ME2: variants seen among roughly 807,000 people sequenced by gnomAD.
The protein encoded by ME2 is NAD-dependent malic enzyme, mitochondrial.
A neutral mutation model predicts 73.7 loss-of-function variants in ME2; 60 were observed. That is an observed-to-expected ratio of 0.81 (90% CI 0.66 to 1.01). The LOEUF is 1.01. Among genes scored for constraint, ME2 ranks in the 50% least tolerant of loss-of-function variants. The pLI is 0.00. For synonymous variants in ME2, 199 were observed against 236.9 expected (o/e 0.84, Z 1.47); for missense variants, 594 against 705.5 (o/e 0.84, Z 1.79).
chr18:50,928,230 G>T (rs900825194), intron 12 of ME2, among the ~76,000 whole-genome samples: 53 of 150,870 alleles, frequency 3.5e-4, no homozygotes, highest in Non-Finnish European at 2.7e-4. Flanking sequence ...TGTTTGTAAG[G>T]CTAATTTGTC....
chr18:50,898,858 G>GA (rs1365606367), intron 2 of ME2, among the ~76,000 whole-genome samples: 1 of 152,146 alleles, frequency 6.6e-6, no homozygotes, highest in African/African-American at 2.4e-5. Flanking sequence ...ACTTCTCTAG[G>GA]CCTTAGTTTT....
In ME2 at chr18:50,948,843, ATTT is replaced by A. The variant is rs71171366; in HGVS notation, c.*1677_*1679del. On this transcript the variant is annotated 3_prime_UTR_variant, in exon 16 of 16. Coordinates refer to ENST00000321341, the MANE Select transcript of ME2 (RefSeq NM_002396.5). The stretch of plus-strand genomic sequence containing the variant: ...AGGCGTGAGCCACCGCACCCAGCCA[ATTT>A]TTTTTTTTTTTTTTTTTGAGACAGA... 1.3e-4 allele frequency: 14 copies of A among 111,410 alleles called. No homozygotes were observed. The highest frequency in any genetic ancestry group is 1.8e-4 in the Non-Finnish European group (10 of 54,602). The allele number at this position is 111,410 out of a possible 1,614,324, so 6.9% of individuals were successfully genotyped here.
Position 50,918,174 on chromosome 18 carries a change from A to G in ME2, c.695A>G (p.Asp232Gly), listed in dbSNP as rs1317892559. The G allele has an allele frequency of 6.2e-7, 1 of 1,610,952 alleles. No homozygotes were observed. The highest frequency in any genetic ancestry group is 2.2e-5 in the East Asian group (1 of 44,842). ...YQKRDRTQQY[D>G]DLIDEFMKAI... ...AAACGAGATCGCACACAACAGTATG[A>G]TGACCTGATTGATGAGTTTATGAAA... Residue 232 changes from aspartate (D) to glycine (G), a missense_variant, in exon 7 of 16, where the codon GAT (aspartate) becomes GGT (glycine). Asp to Gly is a moderately conservative substitution (Grantham distance 94). Transcript: ENST00000321341.
rs1265637282 is a variant in ME2 at position 50,950,982 on chromosome 18, TTTA to T, written c.*3803_*3805del. The T allele has an allele frequency of 1.3e-5, 2 of 152,358 alleles. No homozygotes were observed. Among genetic ancestry groups the T allele is most frequent in the East Asian group, 1.9e-4 (1 of 5,188 alleles). 9.4% of individuals were successfully genotyped at this position (152,358 alleles called of 1,614,324 possible). ...TTACACAGAATAGTTTTCATCTAGT[TTTA>T]TTATGTTTTTACAGGCTGTTTACAA... On this transcript the variant is annotated 3_prime_UTR_variant, in exon 16 of 16. Coordinates refer to ENST00000321341, the MANE Select transcript of ME2 (RefSeq NM_002396.5).
Position 50,916,245 on chromosome 18 carries a change from TA to T in ME2, c.468+3del, listed in dbSNP as rs1417295593. On this transcript the variant is annotated splice_donor_region_variant and intron_variant, in intron 5 of 15. Transcript: ENST00000321341. Reference sequence around the variant, plus strand: ...AACTGGCCAGAAAATCATGTTAAGGTACTAATAGCACAACCCTCCTTTTCAC... The same window carrying T: ...AACTGGCCAGAAAATCATGTTAAGGTCTAATAGCACAACCCTCCTTTTCAC... 6.2e-7 allele frequency: 1 copy of T among 1,603,394 alleles called. No homozygotes were observed. The highest frequency in any genetic ancestry group is 2.2e-5 in the East Asian group (1 of 44,760).
chr18:50,897,145 G>C (rs764525535), intron 2 of ME2, among the ~76,000 whole-genome samples: 72 of 152,100 alleles, frequency 4.7e-4, no homozygotes, highest in Non-Finnish European at 3.5e-4. Context: ...GGTTTAAGCT[G>C]TTATTGAAGT....
intron 2 of ME2, among the ~76,000 whole-genome samples, chr18:50,896,773 A>G (rs1375413284): frequency 1.3e-5 from 2 of 152,158 alleles, no homozygotes; most frequent in African/African-American, 4.8e-5. Context: ...GTTAATTGTT[A>G]ATTGTTATCC....
intron 12 of ME2, among the ~76,000 whole-genome samples, chr18:50,931,664 T>C (rs1196176089): frequency 6.6e-6 from 1 of 151,942 alleles, no homozygotes; most frequent in Non-Finnish European, 1.5e-5. Flanking sequence ...ATTTTAAATT[T>C]CTTTTTTTTT....
In ME2 at chr18:50,951,606, C is replaced by G. The variant is rs1373384974; in HGVS notation, c.*4422C>G. 1 of 149,708 alleles carries G rather than the reference C, an allele frequency of 6.7e-6. No homozygotes were observed. The highest frequency in any genetic ancestry group is 2.5e-5 in the African/African-American group (1 of 40,688). The allele number at this position is 149,708 out of a possible 1,614,324, so 9.3% of individuals were successfully genotyped here. On this transcript the variant is annotated 3_prime_UTR_variant, in exon 16 of 16. Transcript: ENST00000321341. Reference sequence around the variant, plus strand: ...TAAAAAGCTCCAGAATGGCCAGGCGCAGTGGCTCACGCCTATAATCCCAGC... The same window carrying G: ...TAAAAAGCTCCAGAATGGCCAGGCGGAGTGGCTCACGCCTATAATCCCAGC...
Position 50,952,532 on chromosome 18 carries a change from A to T in ME2, c.*5348A>T, listed in dbSNP as rs931454857. 11 of 152,208 alleles carry T rather than the reference A, an allele frequency of 7.2e-5. No individual in the cohort carries two copies. The highest frequency in any genetic ancestry group is 2.0e-4 in the Admixed American group (3 of 15,286). The allele number at this position is 152,208 out of a possible 1,614,324, so 9.4% of individuals were successfully genotyped here. A position where few individuals can be genotyped will look rare whatever the true frequency, so the allele number is the denominator to read the frequency against. ...TTTGAATGCTTAGTGTCTTTTGGTA[A>T]ACAGCATTTTGTCAACAAACTTTTC... On this transcript the variant is annotated 3_prime_UTR_variant, in exon 16 of 16. Transcript: ENST00000321341.
At chr18:50,900,243 G>A (rs1389860748) in intron 2 of ME2, among the ~76,000 whole-genome samples, 1 of 150,840 alleles carries the variant, frequency 6.6e-6, no homozygotes, top group African/African-American at 2.4e-5. Context: ...AGAATAGGGG[G>A]AGGAAGAAGG....
chr18:50,943,639 C>G (rs967001778), intron 15 of ME2, among the ~76,000 whole-genome samples: 1 of 151,968 alleles, frequency 6.6e-6, no homozygotes, highest in Non-Finnish European at 1.5e-5. Context: ...TATTTTGGTG[C>G]CTGTAACCTA....
At chr18:50,933,898 A>G (rs1281688396) in intron 13 of ME2, 1 of 152,162 alleles carries the variant, frequency 6.6e-6, no homozygotes, top group African/African-American at 2.4e-5. Flanking sequence ...TCCACTTGCA[A>G]GTGAGAACAT....
chr18:50,902,949 T>G (rs892127226), intron 2 of ME2, among the ~76,000 whole-genome samples: 1 of 152,186 alleles, frequency 6.6e-6, no homozygotes, highest in South Asian at 2.1e-4. Flanking sequence ...TTTACCTGAA[T>G]GTTCAAGTGT....
At chr18:50,879,566 GT>G (rs1181793727) in intron 1 of ME2, among the ~76,000 whole-genome samples, 1 of 152,222 alleles carries the variant, frequency 6.6e-6, no homozygotes, top group East Asian at 1.9e-4. Flanking sequence ...CGATTTCCAG[GT>G]TCCTCCGCCG....
chr18:50,917,196 T>C, intron 5 of ME2, 151 bp from the exon 6 acceptor site: 1 of 580,022 alleles, frequency 1.7e-6, no homozygotes, highest in East Asian at 2.9e-5. Context: ...TAAGTATGCT[T>C]TGTTGGTTTA....
intron 1 of ME2, among the ~76,000 whole-genome samples, chr18:50,880,207 C>G (rs1220415920): frequency 6.6e-6 from 1 of 152,018 alleles, no homozygotes; most frequent in Non-Finnish European, 1.5e-5. Context: ...TCAAAATAAC[C>G]CTTTGAGGTT....
At chr18:50,896,893 A>G (rs565958961) in intron 2 of ME2, among the ~76,000 whole-genome samples, 3 of 152,314 alleles carry the variant, frequency 2.0e-5, no homozygotes, top group East Asian at 3.9e-4. Flanking sequence ...GAGTTCAGCA[A>G]GCAGTTAGTG....
intron 1 of ME2, among the ~76,000 whole-genome samples, chr18:50,883,851 A>G (rs1916387632): frequency 6.6e-6 from 1 of 152,188 alleles, no homozygotes; most frequent in Admixed American, 6.5e-5. Flanking sequence ...TGACAGAGCA[A>G]GACTCTGTCT....
Sources: allele counts gnomAD v4.1 joint callset (sites outside exome capture counted in the v4.1 genomes callset), GRCh38; gene constraint gnomAD v4.1.1; transcripts MANE v1.5; gene names NCBI Gene and HGNC (gene_info 2026-07-23, HGNC 2026-07-21).